EYS: variants seen among roughly 807,000 people sequenced by gnomAD.
The protein encoded by EYS is protein eyes shut homolog.
Under a neutral mutation model 282.1 loss-of-function variants are expected in EYS, and 250 were observed. The ratio of observed to expected loss-of-function variants is 0.89; its 90% CI spans 0.80 to 0.98. EYS has a LOEUF of 0.98. Ranked by LOEUF, EYS falls within the 50% of genes least tolerant of loss-of-function variation. The pLI is 0.00. For missense variants in EYS, 4,016 were observed against 3,709.0 expected (o/e 1.08, Z -2.15); for synonymous variants, 1,355 against 1,282.9 (o/e 1.06, Z -1.20).
chr6:64,035,280 T>C (rs892667071), intron 33 of EYS, among the ~76,000 whole-genome samples: 2 of 152,248 alleles, frequency 1.3e-5, no homozygotes, highest in South Asian at 4.1e-4. Context: ...GCATGACAGA[T>C]TTATATGACA....
At chr6:65,269,985 C>T (rs1473997654) in intron 12 of EYS, among the ~76,000 whole-genome samples, 1 of 152,008 alleles carries the variant, frequency 6.6e-6, no homozygotes, top group Non-Finnish European at 1.5e-5. Flanking sequence ...ACTTAACAGC[C>T]CCAAAAGTTA....
intron 13 of EYS, among the ~76,000 whole-genome samples, chr6:65,003,889 C>A (rs938542069): frequency 1.4e-5 from 2 of 147,276 alleles, no homozygotes; most frequent in Admixed American, 1.4e-4. Context: ...ATGCCTCAGC[C>A]ACATTCTGTA....
At chr6:65,287,117 T>C (rs1359792140) in intron 12 of EYS, among the ~76,000 whole-genome samples, 1 of 151,354 alleles carries the variant, frequency 6.6e-6, no homozygotes, top group African/African-American at 2.4e-5. Flanking sequence ...AGAATGTCTA[T>C]ACACCAATAA....
intron 33 of EYS, among the ~76,000 whole-genome samples, chr6:64,043,456 C>G (rs541394273): frequency 1.3e-5 from 2 of 152,362 alleles, no homozygotes; most frequent in East Asian, 3.9e-4. Flanking sequence ...GCTACTTGAT[C>G]ACTCTTCAGC....
At chr6:65,338,093 G>T (rs114431490) in intron 10 of EYS, among the ~76,000 whole-genome samples, 1,698 of 151,252 alleles carry the variant, frequency 0.011, 36 homozygotes, top group African/African-American at 0.038. Context: ...TATATCTAAT[G>T]CTCTGGTTGA....
intron 5 of EYS, among the ~76,000 whole-genome samples, chr6:65,446,370 T>G (rs1768656753): frequency 6.6e-6 from 1 of 151,894 alleles, no homozygotes; most frequent in South Asian, 2.1e-4. Flanking sequence ...CTATATTAAC[T>G]TCAAAGAGAA....
At chr6:64,520,800 T>A (rs1158403188) in intron 26 of EYS, among the ~76,000 whole-genome samples, 1 of 151,764 alleles carries the variant, frequency 6.6e-6, no homozygotes, top group Admixed American at 6.6e-5. Flanking sequence ...ATTATTTACT[T>A]CAATATCATT....
At chr6:64,282,837 G>C (rs1768357482) in intron 30 of EYS, among the ~76,000 whole-genome samples, 1 of 152,142 alleles carries the variant, frequency 6.6e-6, no homozygotes, top group African/African-American at 2.4e-5. Context: ...AAGATACTAT[G>C]AATCTGATGA....
At chr6:64,396,928 G>T (rs1240247395) in intron 28 of EYS, among the ~76,000 whole-genome samples, 1 of 152,036 alleles carries the variant, frequency 6.6e-6, no homozygotes, top group African/African-American at 2.4e-5. Flanking sequence ...ACACAAGGGT[G>T]TGTATGTGTG....
chr6:65,277,372 G>A (rs2150271446), intron 12 of EYS, among the ~76,000 whole-genome samples: 1 of 151,476 alleles, frequency 6.6e-6, no homozygotes, highest in Admixed American at 6.6e-5. Flanking sequence ...GCCAGAGGTT[G>A]CAGTGAGCTG....
Position 64,388,765 on chromosome 6 carries a change from A to T in EYS, c.6003T>A (p.His2001Gln). Residue 2001 changes from histidine to glutamine, a missense_variant, in exon 29 of 43, where the codon CAT becomes CAA. Transcript: ENST00000503581. ...ATTTTGGCAGGGGTTTTCCGAGTAC[A>T]TGATTGATAGATTCGCATATTTGTG... Reference protein sequence around the residue: ...RNTQICESINHVLGKPLPKSG... With the variant: ...RNTQICESINQVLGKPLPKSG... 6.5e-7 allele frequency: 1 copy of T among 1,545,546 alleles called. No homozygotes were observed. The highest frequency in any genetic ancestry group is 8.7e-7 in the Non-Finnish European group (1 of 1,143,950).
chr6:64,402,493 T>A (rs896245817), intron 28 of EYS, among the ~76,000 whole-genome samples: 6 of 152,202 alleles, frequency 3.9e-5, no homozygotes, highest in Admixed American at 3.9e-4. Context: ...AGTGACCTTT[T>A]CATTTGCAGG....
chr6:63,789,160 G>A lies in EYS; in HGVS notation c.7476C>T (p.Asn2492=). 6.4e-7 allele frequency: 1 copy of A among 1,551,754 alleles called. No homozygotes were observed. Among genetic ancestry groups the A allele is most frequent in the Non-Finnish European group, 8.7e-7 (1 of 1,146,964 alleles). Residue 2492 remains asparagine, a synonymous_variant, in exon 38 of 43, where the codon AAC becomes AAT. Transcript: ENST00000503581. ...TGATGCTTGCTATGCCAGACCCCAG[G>A]TTATAACTATAAACCACACTGCCAT... ...LLNGSVVYSY[N]LGSGIASIRS...
intron 26 of EYS, among the ~76,000 whole-genome samples, chr6:64,445,388 T>G (rs986499046): frequency 3.3e-5 from 5 of 152,154 alleles, no homozygotes; most frequent in East Asian, 1.9e-4. Context: ...AATAATAAAC[T>G]TCTGCACTTA....
chr6:65,493,164 C>G (rs1173571167), intron 4 of EYS, among the ~76,000 whole-genome samples: 2 of 152,160 alleles, frequency 1.3e-5, no homozygotes, highest in African/African-American at 4.8e-5. Context: ...ATCCGCCTGC[C>G]TCGGCCTCCC....
intron 33 of EYS, among the ~76,000 whole-genome samples, chr6:64,030,681 C>A (rs749946484): frequency 2.6e-5 from 4 of 152,218 alleles, no homozygotes; most frequent in African/African-American, 9.6e-5. Flanking sequence ...GGTCCCGTGT[C>A]AGCCATCTTG....
chr6:64,648,842 T>C (rs1398630031), intron 22 of EYS, among the ~76,000 whole-genome samples: 1 of 152,160 alleles, frequency 6.6e-6, no homozygotes, highest in Non-Finnish European at 1.5e-5. Flanking sequence ...AGCTTGTGGA[T>C]TAGCAAATTG....
chr6:64,527,397 T>A (rs1204341551), intron 26 of EYS, among the ~76,000 whole-genome samples: 1 of 151,882 alleles, frequency 6.6e-6, no homozygotes, highest in African/African-American at 2.4e-5. Context: ...AGAAAATGCC[T>A]GCATGTCAAC....
intron 28 of EYS, among the ~76,000 whole-genome samples, chr6:64,417,163 T>C (rs920140836): frequency 1.3e-5 from 2 of 152,242 alleles, no homozygotes; most frequent in Non-Finnish European, 2.9e-5. Context: ...TACACATATA[T>C]TTGTAATTTT....
Sources: allele counts gnomAD v4.1 joint callset (sites outside exome capture counted in the v4.1 genomes callset), GRCh38; gene constraint gnomAD v4.1.1; transcripts MANE v1.5; gene names NCBI Gene and HGNC (gene_info 2026-07-23, HGNC 2026-07-21).